Variants in ENGASE observed in about 807,000 individuals in gnomAD.
The protein encoded by ENGASE is cytosolic endo-beta-N-acetylglucosaminidase.
A neutral mutation model predicts 78.5 loss-of-function variants in ENGASE; 69 were observed. The observed-to-expected ratio is 0.88, with a 90% confidence interval of 0.72 to 1.07. The LOEUF is 1.07. Among genes scored for constraint, ENGASE ranks in the 50% least tolerant of loss-of-function variants. The pLI is 0.00. For synonymous variants in ENGASE, 408 were observed against 408.9 expected (o/e 1.00, Z 0.03); for missense variants, 943 against 988.4 (o/e 0.95, Z 0.62).
rs913201984 is a variant in ENGASE, at chr17:79,081,795, C to G, written c.873-103C>G. On this transcript the variant is annotated intron_variant, in intron 6 of 13. Coordinates refer to ENST00000579016, the MANE Select transcript of ENGASE (RefSeq NM_001042573.3). ...GTGGGGTGGGGTGGGGTGGGCCCAT[C>G]CCTCTGAGTACTAGGAGGGGAAAGG... 1.5e-5 allele frequency: 21 copies of G among 1,407,780 alleles called. No individual in the cohort carries two copies. In the Middle Eastern group the frequency reaches 1.1e-3, roughly 71 times the overall value. The allele number at this position is 1,407,780 out of a possible 1,614,324, so 87.2% of individuals were successfully genotyped here. A position where few individuals can be genotyped will look rare whatever the true frequency, so the allele number is the denominator to read the frequency against.
At chr17:79,081,757 G>C in intron 6 of ENGASE, 141 bp from the exon 7 acceptor site, 1 of 872,402 alleles carries the variant, frequency 1.1e-6, no homozygotes, top group Non-Finnish European at 1.7e-6. Flanking sequence ...TGTGTGGGGT[G>C]GGGTGGGGTG....
At chr17:79,080,532 C>T (rs139422543) in intron 5 of ENGASE, among the ~76,000 whole-genome samples, 168 bp downstream of exon 5, 479 of 152,334 alleles carry the variant, frequency 3.1e-3, no homozygotes, top group Middle Eastern at 0.01. Context: ...CTTAGTTACA[C>T]GCAGTGAGAC....
Position 79,082,055 on chromosome 17 carries a change from A to C in ENGASE, c.1030A>C (p.Thr344Pro). The part of the protein sequence containing the change: ...RGNVVGGRFD[T>P]DKSLELIRKH... ...GAACGTGGTCGGAGGCCGATTCGAC[A>C]CAGACAAGGTGGGTGGTGGCTTTCG... The change falls in exon 7 of 14, where the codon ACA becomes CCA. Residue 344 changes from threonine to proline, a missense_variant. Coordinates refer to ENST00000579016, the MANE Select transcript of ENGASE (RefSeq NM_001042573.3). 6.2e-7 allele frequency: 1 copy of C among 1,614,202 alleles called. No homozygotes were observed. Among genetic ancestry groups the C allele is most frequent in the Non-Finnish European group, 8.5e-7 (1 of 1,180,014 alleles).
chr17:79,077,948 T>G (rs2073010778), intron 3 of ENGASE, 84 bp downstream of exon 3: 1 of 1,377,236 alleles, frequency 7.3e-7, no homozygotes, highest in Non-Finnish European at 9.8e-7. Context: ...GAGAGTGCCA[T>G]GTGTAGAAAG....
chr17:79,080,998 G>T lies in ENGASE; in HGVS notation c.797G>T (p.Gly266Val). The change falls in exon 6 of 14, where the codon GGC becomes GTC. Residue 266 changes from glycine to valine, a missense_variant. Gly to Val is a moderately radical substitution (Grantham distance 109, BLOSUM62 -3). Transcript: ENST00000579016. ...TTQLHRQVPG[G>V]LVLWYDSVVQ... is the part of the protein sequence containing the mutation. ...CAGCTGCACCGGCAGGTCCCAGGGGGCCTGGTGCTCTGGTATGACAGCGTG... is the reference window on the plus strand; with the variant it reads ...CAGCTGCACCGGCAGGTCCCAGGGGTCCTGGTGCTCTGGTATGACAGCGTG... 6.2e-7 allele frequency: 1 copy of T among 1,613,080 alleles called. No homozygotes were observed.
In ENGASE at chr17:79,086,109, C is replaced by T. The variant is rs2146019678; in HGVS notation, c.1992C>T (p.His664=). Residue 664 remains histidine (H), a synonymous_variant, in exon 14 of 14, where the codon CAC becomes CAT. Coordinates refer to ENST00000579016, the MANE Select transcript of ENGASE (RefSeq NM_001042573.3). The part of the protein sequence containing the change: ...LLSQVRCFRI[H]CWGGMSDDSP... ...CACAAGTCCGTTGCTTCCGAATCCACTGCTGGGGAGGGATGAGTGATGACT... is the reference window on the plus strand; with the variant it reads ...CACAAGTCCGTTGCTTCCGAATCCATTGCTGGGGAGGGATGAGTGATGACT... 6.2e-7 allele frequency: 1 copy of T among 1,613,734 alleles called. No homozygotes were observed. The highest frequency in any genetic ancestry group is 1.1e-5 in the South Asian group (1 of 91,092).
intron 12 of ENGASE, 95 bp downstream of exon 12, chr17:79,085,437 C>A (rs940060253): frequency 3.8e-5 from 51 of 1,352,836 alleles, no homozygotes; most frequent in Non-Finnish European, 4.6e-5. Flanking sequence ...TGGGCTGGCC[C>A]CCAGGTTTTG....
intron 7 of ENGASE, chr17:79,082,421 C>T: frequency 8.2e-7 from 1 of 1,225,822 alleles, no homozygotes; most frequent in South Asian, 1.5e-5. Flanking sequence ...CAGGGGCCTG[C>T]AGCGCCTCTC....
chr17:79,078,794 C>T (rs1010940497), intron 3 of ENGASE, among the ~76,000 whole-genome samples: 3 of 152,254 alleles, frequency 2.0e-5, no homozygotes, highest in Admixed American at 2.0e-4. Context: ...CTTTCAACCC[C>T]GACCTTCGAG....
chr17:79,080,200 C>G lies in ENGASE; in HGVS notation c.566-7C>G. 4 of 1,585,526 alleles carry G rather than the reference C, an allele frequency of 2.5e-6. No homozygotes were observed. The highest frequency in any genetic ancestry group is 3.4e-6 in the Non-Finnish European group (4 of 1,164,478). On this transcript the variant is annotated splice_polypyrimidine_tract_variant and splice_region_variant and intron_variant, in intron 4 of 13. Transcript: ENST00000579016. ...TGGCTGACCTTGTTTCTCTCCTATCCTCACAGGGACTTTCATCACGGAGTG... is the reference window on the plus strand; with the variant it reads ...TGGCTGACCTTGTTTCTCTCCTATCGTCACAGGGACTTTCATCACGGAGTG...
intron 7 of ENGASE, chr17:79,082,282 G>A (rs1194366456): frequency 6.7e-7 from 1 of 1,486,914 alleles, no homozygotes; most frequent in Non-Finnish European, 8.9e-7. Flanking sequence ...ATCAGATAAT[G>A]TATTTTTGTG....
chr17:79,080,555 G>A (rs983216698), intron 5 of ENGASE, among the ~76,000 whole-genome samples, 191 bp downstream of exon 5: 4 of 152,184 alleles, frequency 2.6e-5, no homozygotes, highest in Admixed American at 6.5e-5. Context: ...AATCTCCTCC[G>A]ACTGTTTCCA....
Position 79,077,847 on chromosome 17 carries a change from C to T in ENGASE, c.399C>T (p.Gly133=), listed in dbSNP as rs552337232. 152 of 1,466,124 alleles carry T rather than the reference C, an allele frequency of 1.0e-4. No individual in the cohort carries two copies. The highest frequency in any genetic ancestry group is 1.2e-4 in the Non-Finnish European group (134 of 1,088,450). The allele number at this position is 1,466,124 out of a possible 1,614,324, so 90.8% of individuals were successfully genotyped here. A position where few individuals can be genotyped will look rare whatever the true frequency, so the allele number is the denominator to read the frequency against. The change falls in exon 3 of 14, where the codon GGC becomes GGT. Residue 133 remains glycine (G), a synonymous_variant. Coordinates refer to ENST00000579016, the MANE Select transcript of ENGASE (RefSeq NM_001042573.3). Reference sequence around the variant, plus strand: ...CTTTGTTGTGTCATGACATGATGGGCGGGTACCTGGATGACAGGTGAGGAC... The same window carrying T: ...CTTTGTTGTGTCATGACATGATGGGTGGGTACCTGGATGACAGGTGAGGAC... ...PRTLLCHDMM[G]GYLDDRFIQG... is the part of the protein sequence containing the mutation.
At chr17:79,079,296 T>G (rs920204820) in intron 3 of ENGASE, among the ~76,000 whole-genome samples, 193 bp from the exon 4 acceptor site, 3 of 152,184 alleles carry the variant, frequency 2.0e-5, no homozygotes, top group Non-Finnish European at 4.4e-5. Context: ...CCCAAGTAGC[T>G]GGGACTACAG....
intron 6 of ENGASE, among the ~76,000 whole-genome samples, chr17:79,081,596 C>T (rs1015227294): frequency 2.2e-4 from 34 of 152,046 alleles, no homozygotes; most frequent in Non-Finnish European, 1.3e-4. Flanking sequence ...CTCGCTGCCC[C>T]TGGGGAACAG....
rs1040649309 is a variant in ENGASE, at chr17:79,086,814, G to C, written c.*465G>C. On this transcript the variant is annotated 3_prime_UTR_variant, in exon 14 of 14. Transcript: ENST00000579016. ...CCGAGACATTTCTGAGCATGAGGAC[G>C]AGCTACAGCAGCTCCTGGGGTGGGG... is the stretch of plus-strand genomic sequence containing the variant. The C allele has an allele frequency of 7.6e-6, 3 of 395,542 alleles. No individual in the cohort carries two copies. The highest frequency in any genetic ancestry group is 6.2e-5 in the African/African-American group (3 of 48,134). 24.5% of individuals were successfully genotyped at this position (395,542 alleles called of 1,614,324 possible).
chr17:79,083,358 C>T lies in ENGASE; in HGVS notation c.1143-124C>T. 1.3e-6 allele frequency: 1 copy of T among 756,150 alleles called. No homozygotes were observed. 46.8% of individuals were successfully genotyped at this position (756,150 alleles called of 1,614,324 possible). ...TATCTGTAGACGGGGAGGCTGCAGTCCTCCTGGAAGTCCTGTCTTGGAGGG... is the reference window on the plus strand; with the variant it reads ...TATCTGTAGACGGGGAGGCTGCAGTTCTCCTGGAAGTCCTGTCTTGGAGGG... On this transcript the variant is annotated intron_variant, in intron 8 of 13. Transcript: ENST00000579016. This position sits in a 1 kb window ranked among gnomAD's most constrained non-coding sequence, Gnocchi z 4.9.
chr17:79,081,130 G>T (rs1428452358), intron 6 of ENGASE, 57 bp downstream of exon 6: 59 of 1,222,638 alleles, frequency 4.8e-5, no homozygotes, highest in Non-Finnish European at 6.4e-5. Flanking sequence ...GGCGGGTACT[G>T]TGAGGGGTGG....
Position 79,086,865 on chromosome 17 carries a change from T to C in ENGASE, c.*516T>C, listed in dbSNP as rs1014180559. 1.1e-5 allele frequency: 5 copies of C among 445,388 alleles called. No homozygotes were observed. The highest frequency in any genetic ancestry group is 2.3e-5 in the Non-Finnish European group (5 of 220,502). The allele number at this position is 445,388 out of a possible 1,614,324, so 27.6% of individuals were successfully genotyped here. The stretch of plus-strand genomic sequence containing the variant: ...CTGCCTGCGGGATGGCGGGAGAGGA[T>C]GCCCTGGAGAACCGTCCTCCCAGTG... On this transcript the variant is annotated 3_prime_UTR_variant, in exon 14 of 14. Transcript: ENST00000579016.
Sources: allele counts gnomAD v4.1 joint callset (sites outside exome capture counted in the v4.1 genomes callset), GRCh38; gene constraint gnomAD v4.1.1; non-coding constraint Gnocchi (gnomAD v3.1); transcripts MANE v1.5; gene names NCBI Gene and HGNC (gene_info 2026-07-23, HGNC 2026-07-21).